CCDC172: variants seen among roughly 807,000 people sequenced by gnomAD.
CCDC172 encodes coiled-coil domain containing 172, also known as coiled-coil domain-containing protein 172.
CCDC172 carries 30 observed loss-of-function variants against 38.0 expected under a neutral mutation model. That is an observed-to-expected ratio of 0.79 (90% CI 0.59 to 1.07). The LOEUF is 1.07. CCDC172 is among the 50% of genes least tolerant of loss of function. The pLI, the probability that CCDC172 is intolerant of heterozygous loss-of-function variation, is 0.00. For missense variants in CCDC172, 297 were observed against 290.1 expected, an observed-to-expected ratio of 1.02 and a Z score of -0.17; for synonymous variants, 78 against 88.3, an observed-to-expected ratio of 0.88 and a Z score of 0.66.
chr10:116,362,591 T>A (rs979018155), intron 7 of CCDC172, among the ~76,000 whole-genome samples: 2 of 152,208 alleles, frequency 1.3e-5, no homozygotes, highest in African/African-American at 4.8e-5. Context: ...ACATTATCTT[T>A]GCTCTTTGTT....
chr10:116,336,670 A>G (rs1015619404), intron 3 of CCDC172, among the ~76,000 whole-genome samples: 5 of 152,002 alleles, frequency 3.3e-5, no homozygotes, highest in East Asian at 3.9e-4. Context: ...GAAATTTTCT[A>G]CGTAACTCTT....
chr10:116,369,156 C>A (rs1383430922), intron 7 of CCDC172, among the ~76,000 whole-genome samples: 1 of 151,834 alleles, frequency 6.6e-6, no homozygotes, highest in South Asian at 2.1e-4. Flanking sequence ...TGCAGTTAGG[C>A]TTATTCATTT....
rs143429467 is a variant in CCDC172, at chr10:116,340,866, C to T, written c.282+16C>T. 4.2e-5 allele frequency: 54 copies of T among 1,301,000 alleles called. No homozygotes were observed. In the African/African-American group the frequency reaches 6.0e-4, roughly 15 times the overall value. The allele number at this position is 1,301,000 out of a possible 1,614,324, so 80.6% of individuals were successfully genotyped here. ...TCAAACCTTTGTAAGTTTCCAGCCA[C>T]CTAGAAAAATCTATTTCACTAATAT... On this transcript the variant is annotated intron_variant, in intron 4 of 8. Transcript: ENST00000333254.
chr10:116,325,092 T>A lies in CCDC172; in HGVS notation c.79+2T>A. 6.2e-7 allele frequency: 1 copy of A among 1,613,672 alleles called. No homozygotes were observed. Among genetic ancestry groups the A allele is most frequent in the South Asian group, 1.1e-5 (1 of 91,078 alleles). ...AGAGTCGCCGTTTGATGCGAGAAGG[T>A]CGGGGTATTTCTGTCCTTTGCATGG... On this transcript the variant is annotated splice_donor_variant, in intron 2 of 8. Coordinates refer to ENST00000333254, the MANE Select transcript of CCDC172 (RefSeq NM_198515.3). LOFTEE classifies it high-confidence loss of function.
chr10:116,348,199 G>C (rs1443361704), intron 5 of CCDC172, among the ~76,000 whole-genome samples: 1 of 152,034 alleles, frequency 6.6e-6, no homozygotes, highest in African/African-American at 2.4e-5. Context: ...GGTGGTGGTG[G>C]TGGAGAAAGA....
At chr10:116,357,150 T>C (rs576608483) in intron 5 of CCDC172, among the ~76,000 whole-genome samples, 7 of 152,282 alleles carry the variant, frequency 4.6e-5, no homozygotes, top group African/African-American at 1.7e-4. Context: ...AGAATACCAT[T>C]GGAATTTTCA....
At chr10:116,341,361 G>A (rs191508070) in intron 4 of CCDC172, among the ~76,000 whole-genome samples, 4 of 152,134 alleles carry the variant, frequency 2.6e-5, no homozygotes, top group Admixed American at 2.6e-4. Flanking sequence ...CACACTTGGT[G>A]GTTTGAAATG....
intron 7 of CCDC172, among the ~76,000 whole-genome samples, chr10:116,373,234 C>G (rs950043569): frequency 6.6e-6 from 1 of 151,360 alleles, no homozygotes; most frequent in African/African-American, 2.4e-5. Context: ...ATAGAGAGAC[C>G]CCATCTCTAA....
At chr10:116,325,129 T>C in intron 2 of CCDC172, 39 bp downstream of exon 2, 1 of 1,598,018 alleles carries the variant, frequency 6.3e-7, no homozygotes, top group Non-Finnish European at 8.6e-7. Context: ...GCCTTTTGTC[T>C]TCTGATGCTG....
chr10:116,370,767 T>C (rs1331419908), intron 7 of CCDC172, among the ~76,000 whole-genome samples: 1 of 151,786 alleles, frequency 6.6e-6, no homozygotes, highest in African/African-American at 2.4e-5. Flanking sequence ...AGGAAAAAAT[T>C]TGTATTTTTA....
chr10:116,365,633 C>G (rs1262070137), intron 7 of CCDC172, among the ~76,000 whole-genome samples: 1 of 151,920 alleles, frequency 6.6e-6, no homozygotes, highest in Non-Finnish European at 1.5e-5. Flanking sequence ...TTTATCTTTC[C>G]TTATTAAGCA....
chr10:116,342,998 C>T (rs563464516), intron 5 of CCDC172, among the ~76,000 whole-genome samples: 5 of 152,068 alleles, frequency 3.3e-5, no homozygotes, highest in Admixed American at 1.3e-4. Context: ...TACCCAGTCT[C>T]GGGTAGTTCT....
chr10:116,333,067 G>C (rs747261235), intron 3 of CCDC172, among the ~76,000 whole-genome samples: 15 of 151,680 alleles, frequency 9.9e-5, no homozygotes, highest in Non-Finnish European at 1.9e-4. Context: ...GTTTTCTAGT[G>C]GACATGTCTT....
intron 7 of CCDC172, among the ~76,000 whole-genome samples, chr10:116,362,798 G>A (rs1381154829): frequency 1.3e-5 from 2 of 151,994 alleles, no homozygotes; most frequent in Admixed American, 1.3e-4. Flanking sequence ...GAATATTTCT[G>A]TTGACTCTGC....
At chr10:116,353,723 A>G (rs1374332674) in intron 5 of CCDC172, among the ~76,000 whole-genome samples, 2 of 152,182 alleles carry the variant, frequency 1.3e-5, no homozygotes, top group Non-Finnish European at 2.9e-5. Context: ...TAGTTTAAAA[A>G]GAAAAAAAAT....
chr10:116,377,803 C>T (rs969359136), intron 7 of CCDC172, among the ~76,000 whole-genome samples: 2 of 151,992 alleles, frequency 1.3e-5, no homozygotes, highest in Non-Finnish European at 2.9e-5. Flanking sequence ...TTGCTGGTGG[C>T]CAGGACTAAA....
chr10:116,341,373 C>T (rs1388800299), intron 4 of CCDC172, among the ~76,000 whole-genome samples: 2 of 151,956 alleles, frequency 1.3e-5, no homozygotes, highest in Admixed American at 6.6e-5. Flanking sequence ...TTTGAAATGA[C>T]GTGGCCAGTT....
chr10:116,359,730 T>A (rs1281996350), intron 7 of CCDC172, among the ~76,000 whole-genome samples: 3 of 152,196 alleles, frequency 2.0e-5, no homozygotes, highest in Non-Finnish European at 2.9e-5. Context: ...AAGAAAGCAA[T>A]TACAGAGGAA....
chr10:116,351,079 G>A lies in CCDC172; in HGVS notation c.449-6301G>A, dbSNP rs1844925521. Among the ~76,000 whole-genome samples, 4 of 152,072 alleles carry A rather than the reference G, an allele frequency of 2.6e-5. No homozygotes were observed. In the South Asian group the frequency reaches 8.3e-4, roughly 31 times the overall value. ...TTACCTTTTTCATTTAGGCTAAAGT[G>A]TCAGGATTAAGAAAGATATATTTCA... is the stretch of plus-strand genomic sequence containing the variant. On this transcript the variant is annotated intron_variant, in intron 5 of 8. Coordinates refer to ENST00000333254, the MANE Select transcript of CCDC172 (RefSeq NM_198515.3).
Sources: allele counts gnomAD v4.1 joint callset (sites outside exome capture counted in the v4.1 genomes callset), GRCh38; gene constraint gnomAD v4.1.1; transcripts MANE v1.5; gene names NCBI Gene and HGNC (gene_info 2026-07-23, HGNC 2026-07-21).